The following ENPP5 variants were observed in gnomAD, a reference collection of about 807,000 sequenced individuals.
The protein encoded by ENPP5 is ectonucleotide pyrophosphatase/phosphodiesterase family member 5.
In ENPP5, 27 loss-of-function variants were observed where a neutral mutation model predicts 33.7. The ratio of observed to expected loss-of-function variants is 0.80; its 90% confidence interval spans 0.59 to 1.11. The LOEUF (loss-of-function observed/expected upper bound fraction) is 1.11. ENPP5 is among the 50% of genes least tolerant of loss of function. The pLI is 0.00. For synonymous variants in ENPP5, 199 were observed against 200.5 expected (o/e 0.99, Z 0.06); for missense variants, 552 against 579.2 (o/e 0.95, Z 0.48).
rs760982049 is a variant in ENPP5, at chr6:46,161,790, A to G, written c.1007-37T>C. ...AAATATGTGAAAAAGTTAGCCAACT[A>G]TGCATTAAAATGGACATAATTGTTG... On this transcript the variant is annotated intron_variant, in intron 4 of 4. Transcript: ENST00000371383. The G allele has an allele frequency of 3.5e-6, 5 of 1,443,082 alleles. No homozygotes were observed. In the South Asian group the frequency reaches 3.5e-5, roughly 10 times the overall value. 89.4% of individuals were successfully genotyped at this position (1,443,082 alleles called of 1,614,324 possible). A position where few individuals can be genotyped will look rare whatever the true frequency, so the allele number is the denominator to read the frequency against.
intron 3 of ENPP5, among the ~76,000 whole-genome samples, chr6:46,166,217 T>G (rs753390031): frequency 1.3e-5 from 2 of 151,516 alleles, no homozygotes; most frequent in Non-Finnish European, 2.9e-5. Flanking sequence ...CCCTTCCTCC[T>G]TCCCTCCCTC....
chr6:46,164,036 A>G (rs1764466421), intron 4 of ENPP5, among the ~76,000 whole-genome samples: 1 of 152,036 alleles, frequency 6.6e-6, no homozygotes, highest in South Asian at 2.1e-4. Flanking sequence ...ATAGGCATGG[A>G]CAAGGACTTC....
Position 46,168,132 on chromosome 6 carries a change from T to C in ENPP5, c.131A>G (p.Tyr44Cys). ...SFDGFRWDYL[Y>C]KVPTPHFHYI... ...ATGAAAATGGGGCGTTGGAACTTTA[T>C]ATAAGTAATCCCAACGGAATCCATC... Residue 44 changes from tyrosine (Y) to cysteine (C), a missense_variant, in exon 3 of 5, where the codon TAT (tyrosine) becomes TGT (cysteine). By Grantham distance (194) the Tyr-to-Cys change is radical. Coordinates refer to ENST00000371383, the MANE Select transcript of ENPP5 (RefSeq NM_001290072.2). The C allele has an allele frequency of 6.2e-7, 1 of 1,613,856 alleles. No homozygotes were observed. Among genetic ancestry groups the C allele is most frequent in the South Asian group, 1.1e-5 (1 of 91,052 alleles).
At chr6:46,165,595 A>G in intron 3 of ENPP5, 32 bp from the exon 4 acceptor site, 2 of 1,469,642 alleles carry the variant, frequency 1.4e-6, no homozygotes, top group African/African-American at 1.4e-5. Flanking sequence ...CACTCAGAAC[A>G]AAATACTCAT....
At chr6:46,170,593 C>T (rs1486624958) in intron 1 of ENPP5, among the ~76,000 whole-genome samples, 6 of 151,794 alleles carry the variant, frequency 4.0e-5, no homozygotes, top group African/African-American at 1.2e-4. Context: ...CTCGGGTAGA[C>T]GTCAAGGGCG....
intron 1 of ENPP5, among the ~76,000 whole-genome samples, chr6:46,170,361 G>A (rs190522338): frequency 1.3e-5 from 2 of 151,896 alleles, no homozygotes; most frequent in East Asian, 3.9e-4. Context: ...ATAAACAGAG[G>A]TGGGGGGTGG....
At position 46,168,194 on chromosome 6, in the gene ENPP5, G is replaced by T. The variant is rs1357533248; in HGVS notation, c.69C>A (p.Leu23=). Residue 23 remains leucine (L), a synonymous_variant, in exon 3 of 5, where the codon CTC becomes CTA. Transcript: ENST00000371383. ...AALSLSTTFS[L]QPDQQKVLLV... ...GTAGAACCTTTTGCTGGTCTGGTTG[G>T]AGAGAAAAGGTGGTTGAAAGACTCA... The T allele has an allele frequency of 6.2e-7, 1 of 1,611,592 alleles. No individual in the cohort carries two copies. Among genetic ancestry groups the T allele is most frequent in the Admixed American group, 1.7e-5 (1 of 59,860 alleles).
chr6:46,170,154 T>C (rs754087781), intron 1 of ENPP5, 40 bp from the exon 2 acceptor site: 2 of 152,188 alleles, frequency 1.3e-5, no homozygotes, highest in Non-Finnish European at 2.9e-5. Context: ...CCAAATGTAA[T>C]TTAAGGCTAA....
In ENPP5 at chr6:46,167,693, A is replaced by G; in HGVS notation, c.570T>C (p.Pro190=). Residue 190 remains proline (P), a synonymous_variant, in exon 3 of 5, where the codon CCT becomes CCC. Coordinates refer to ENST00000371383, the MANE Select transcript of ENPP5 (RefSeq NM_001290072.2). ...GTCCCAAATGGTGGCCCATGTCATC[A>G]GGGTCTTCCCAATAGAGAAGACCAA... ...INLGLLYWED[P]DDMGHHLGPD... The G allele has an allele frequency of 1.4e-5, 22 of 1,614,216 alleles. No homozygotes were observed. The highest frequency in any genetic ancestry group is 1.9e-5 in the Non-Finnish European group (22 of 1,180,014).
Position 46,161,749 on chromosome 6 carries a change from G to T in ENPP5, c.1011C>A (p.Gly337=). Residue 337 remains glycine (G), a synonymous_variant, in exon 5 of 5, where the codon GGC becomes GGA. Transcript: ENST00000371383. ...CTAACGCATTATCGTAACCGTGGTT[G>T]CCTACTGTAAAGAGAAAATATGTGA... is the stretch of plus-strand genomic sequence containing the variant. ...LQNKSDDFLL[G]NHGYDNALAD... 1 of 1,605,956 alleles carries T rather than the reference G, an allele frequency of 6.2e-7. No homozygotes were observed. Among genetic ancestry groups the T allele is most frequent in the Non-Finnish European group, 8.5e-7 (1 of 1,178,386 alleles).
intron 3 of ENPP5, among the ~76,000 whole-genome samples, chr6:46,166,022 C>T (rs1411536577): frequency 1.3e-5 from 2 of 152,260 alleles, no homozygotes; most frequent in Non-Finnish European, 2.9e-5. Context: ...TGCCAAAGTA[C>T]TCCCTATAAC....
chr6:46,164,743 C>CTT (rs747451127), intron 4 of ENPP5, among the ~76,000 whole-genome samples: 9 of 125,850 alleles, frequency 7.2e-5, no homozygotes, highest in South Asian at 2.6e-4. Context: ...TTTTTTTTTG[C>CTT]TTTTTTTTTT....
chr6:46,162,781 A>C (rs1291394797), intron 4 of ENPP5, among the ~76,000 whole-genome samples: 1 of 152,182 alleles, frequency 6.6e-6, no homozygotes, highest in South Asian at 2.1e-4. Flanking sequence ...TTTTAGGTTT[A>C]TTTAAGTAAA....
chr6:46,168,316 G>GAATAAACA lies in ENPP5; in HGVS notation c.-35-20_-35-19insTGTTTATT. ...AGATAATCTGTAGAATAAACATATAGAAATTAAAGGCAATAATTTTGTTTT... is the reference window on the plus strand; with the variant it reads ...AGATAATCTGTAGAATAAACATATAGAATAAACAAAATTAAAGGCAATAATTTTGTTTT... On this transcript the variant is annotated intron_variant, in intron 2 of 4. Coordinates refer to ENST00000371383, the MANE Select transcript of ENPP5 (RefSeq NM_001290072.2). 1 of 1,179,000 alleles carries GAATAAACA rather than the reference G, an allele frequency of 8.5e-7. No homozygotes were observed. Among genetic ancestry groups the GAATAAACA allele is most frequent in the South Asian group, 1.7e-5 (1 of 60,532 alleles). 73.0% of individuals were successfully genotyped at this position (1,179,000 alleles called of 1,614,324 possible).
Position 46,167,662 on chromosome 6 carries a change from T to C in ENPP5, c.601A>G (p.Ser201Gly). The C allele has an allele frequency of 6.2e-7, 1 of 1,614,176 alleles. No homozygotes were observed. The highest frequency in any genetic ancestry group is 1.1e-5 in the South Asian group (1 of 91,072). ...DDMGHHLGPD[S>G]PLMGPVISDI... ...GAAATGACAGGCCCCATGAGCGGAC[T>C]GTCAGGTCCCAAATGGTGGCCCATG... The change falls in exon 3 of 5, where the codon AGT becomes GGT. Residue 201 changes from serine to glycine, a missense_variant. Ser to Gly is a moderately conservative substitution (Grantham distance 56). Coordinates refer to ENST00000371383, the MANE Select transcript of ENPP5 (RefSeq NM_001290072.2).
chr6:46,170,529 C>T (rs1284991956), intron 1 of ENPP5, among the ~76,000 whole-genome samples: 4 of 151,926 alleles, frequency 2.6e-5, no homozygotes, highest in African/African-American at 9.7e-5. Flanking sequence ...GCAGGAAGGA[C>T]GGGGCACCGA....
intron 1 of ENPP5, among the ~76,000 whole-genome samples, chr6:46,170,537 C>T (rs879856879): frequency 4.6e-5 from 7 of 152,066 alleles, no homozygotes; most frequent in Non-Finnish European, 1.0e-4. Flanking sequence ...GACGGGGCAC[C>T]GATTAAACGG....
rs1280073651 is a variant in ENPP5 at position 46,161,636 on chromosome 6, G to A, written c.1124C>T (p.Pro375Leu). 6.2e-7 allele frequency: 1 copy of A among 1,613,834 alleles called. No individual in the cohort carries two copies. The highest frequency in any genetic ancestry group is 8.5e-7 in the Non-Finnish European group (1 of 1,179,786). ...GATATTGAGGAGGTGGCATAGTAGT[G>A]GGTACAAATCTGTGGAGTTCATGGC... ...KEAMNSTDLY[P>L]LLCHLLNITA... The change falls in exon 5 of 5, where the codon CCA becomes CTA. Residue 375 changes from proline to leucine, a missense_variant. Pro to Leu is a moderately conservative substitution (Grantham distance 98, BLOSUM62 -3). Coordinates refer to ENST00000371383, the MANE Select transcript of ENPP5 (RefSeq NM_001290072.2).
intron 4 of ENPP5, among the ~76,000 whole-genome samples, chr6:46,163,892 T>C (rs1352015736): frequency 3.3e-5 from 5 of 152,168 alleles, no homozygotes; most frequent in African/African-American, 1.2e-4. Flanking sequence ...TGGCTAGCCA[T>C]ATGTAGAAAG....
Sources: gnomAD v4.1 joint callset for allele counts (sites outside exome capture counted in the v4.1 genomes callset) on GRCh38, gnomAD v4.1.1 for gene constraint, MANE v1.5 for transcripts, NCBI Gene and HGNC (gene_info 2026-07-23, HGNC 2026-07-21) for gene names.